The following PTPRT variants were observed in gnomAD, a reference collection of about 807,000 sequenced individuals.
The protein encoded by PTPRT is protein tyrosine phosphatase receptor type T, also known as receptor-type tyrosine-protein phosphatase T.
A neutral mutation model predicts 176.8 loss-of-function variants in PTPRT; 56 were observed. That is an observed-to-expected ratio of 0.32 (90% CI 0.26 to 0.40). The LOEUF (loss-of-function observed/expected upper bound fraction) is 0.40. Among genes scored for constraint, PTPRT ranks in the 10% least tolerant of loss-of-function variants. The pLI, the probability that PTPRT is intolerant of heterozygous loss-of-function variation, is 1.00. For missense variants in PTPRT, 1,540 were observed against 1,908.2 expected, an observed-to-expected ratio of 0.81 and a Z score of 3.60; for synonymous variants, 783 against 739.0, an observed-to-expected ratio of 1.06 and a Z score of -0.96.
intron 9 of PTPRT, among the ~76,000 whole-genome samples, chr20:42,413,166 TG>T (rs1377275211): frequency 6.6e-6 from 1 of 152,138 alleles, no homozygotes; most frequent in South Asian, 2.1e-4. Flanking sequence ...TTTGAAAACC[TG>T]GATGGATTTC....
intron 13 of PTPRT, among the ~76,000 whole-genome samples, chr20:42,253,287 G>A (rs750086174): frequency 5.9e-5 from 9 of 152,128 alleles, no homozygotes; most frequent in African/African-American, 1.4e-4. Flanking sequence ...AATGTGGTGC[G>A]CTTTCCACAG....
intron 2 of PTPRT, among the ~76,000 whole-genome samples, chr20:42,850,796 C>T (rs1044430172): frequency 6.6e-6 from 1 of 152,128 alleles, no homozygotes; most frequent in African/African-American, 2.4e-5. Context: ...TTGGAGCATC[C>T]CCTCCTGACC....
Position 42,440,481 on chromosome 20 carries a change from CT to C in PTPRT, c.1560+7738del, listed in dbSNP as rs759500806. 7.4e-3 allele frequency among the ~76,000 whole-genome samples: 1,024 copies of C among 138,330 alleles called. 1 individual carries two copies. Among genetic ancestry groups the C allele is most frequent in the African/African-American group, 0.014 (543 of 38,066 alleles). 90.7% of individuals were successfully genotyped at this position (138,330 alleles called of 152,430 possible). A position where few individuals can be genotyped will look rare whatever the true frequency, so the allele number is the denominator to read the frequency against. ...TATAGCATATATTAGTTGTTTCTTT[CT>C]TTTTTTTTTTTTTTAGACAGAGTCT... On this transcript the variant is annotated intron_variant, in intron 9 of 30. Coordinates refer to ENST00000373187, the MANE Select transcript of PTPRT (RefSeq NM_007050.6).
intron 1 of PTPRT, among the ~76,000 whole-genome samples, chr20:42,934,777 T>G (rs1014329654): frequency 2.0e-5 from 3 of 151,988 alleles, no homozygotes; most frequent in African/African-American, 7.3e-5. Context: ...GCTAGCAAGA[T>G]GAAAGCCATA....
At chr20:42,202,270 G>A (rs919821343) in intron 15 of PTPRT, among the ~76,000 whole-genome samples, 3 of 152,120 alleles carry the variant, frequency 2.0e-5, no homozygotes, top group African/African-American at 4.8e-5. Flanking sequence ...GTGCCCAGCC[G>A]AGAAAGTTTC....
chr20:43,186,467 C>G (rs985896125), intron 1 of PTPRT, among the ~76,000 whole-genome samples: 1 of 152,200 alleles, frequency 6.6e-6, no homozygotes, highest in Non-Finnish European at 1.5e-5. Context: ...CACACTGTCA[C>G]GGAGTCAGGG....
chr20:42,460,953 T>A (rs1284651599), intron 8 of PTPRT, among the ~76,000 whole-genome samples: 1 of 152,098 alleles, frequency 6.6e-6, no homozygotes, highest in Non-Finnish European at 1.5e-5. Flanking sequence ...GAGGCTGAGG[T>A]GGGAGGACGG....
chr20:42,128,213 C>T (rs1490007197), intron 19 of PTPRT, among the ~76,000 whole-genome samples: 3 of 152,184 alleles, frequency 2.0e-5, no homozygotes, highest in Non-Finnish European at 4.4e-5. Flanking sequence ...CTTTGGTTCA[C>T]ATCATATTTT....
intron 1 of PTPRT, among the ~76,000 whole-genome samples, chr20:42,940,563 C>T (rs1031213644): frequency 2.0e-5 from 3 of 151,974 alleles, no homozygotes; most frequent in South Asian, 2.1e-4. Context: ...GGAGCATTGA[C>T]AGTGTGTTAG....
intron 1 of PTPRT, among the ~76,000 whole-genome samples, chr20:43,036,074 G>A (rs564813588): frequency 1.3e-5 from 2 of 152,318 alleles, no homozygotes; most frequent in Admixed American, 1.3e-4. Context: ...GGCAAATGCA[G>A]CTGGAGAAAA....
chr20:42,480,592 T>A (rs1051121069), intron 7 of PTPRT, among the ~76,000 whole-genome samples: 1 of 152,156 alleles, frequency 6.6e-6, no homozygotes, highest in Non-Finnish European at 1.5e-5. Context: ...TTTGTGAAAC[T>A]GATGCTAGGG....
intron 4 of PTPRT, among the ~76,000 whole-genome samples, chr20:42,774,207 C>T (rs1406811098): frequency 6.6e-6 from 1 of 152,152 alleles, no homozygotes; most frequent in African/African-American, 2.4e-5. Flanking sequence ...AACAAAAATA[C>T]CACCTCCTTG....
intron 2 of PTPRT, among the ~76,000 whole-genome samples, chr20:42,871,684 T>C (rs746375366): frequency 1.3e-5 from 2 of 152,232 alleles, no homozygotes; most frequent in Non-Finnish European, 2.9e-5. Flanking sequence ...ATCTGCTACA[T>C]GTGGATATTC....
chr20:43,039,717 T>G (rs1986528197), intron 1 of PTPRT, among the ~76,000 whole-genome samples: 1 of 152,088 alleles, frequency 6.6e-6, no homozygotes, highest in Admixed American at 6.6e-5. Flanking sequence ...CTAATAGTTC[T>G]GGTGTCCAAA....
chr20:42,827,806 C>T (rs1448595832), intron 2 of PTPRT, among the ~76,000 whole-genome samples: 4 of 152,096 alleles, frequency 2.6e-5, no homozygotes, highest in African/African-American at 9.7e-5. Context: ...CTTAATGTCA[C>T]CATTTGAAAA....
intron 5 of PTPRT, among the ~76,000 whole-genome samples, chr20:42,762,743 A>C (rs188909559): frequency 1.2e-4 from 18 of 152,354 alleles, no homozygotes; most frequent in Admixed American, 1.2e-3. Context: ...CTTCCAATTC[A>C]TCCGTACAGG....
intron 1 of PTPRT, among the ~76,000 whole-genome samples, chr20:42,988,045 C>T (rs938896575): frequency 9.9e-5 from 15 of 152,262 alleles, no homozygotes; most frequent in Non-Finnish European, 2.2e-4. Flanking sequence ...CAAATCAAAG[C>T]TTCTGCCAAA....
chr20:42,277,529 A>C (rs1199479875), intron 13 of PTPRT, among the ~76,000 whole-genome samples: 1 of 152,208 alleles, frequency 6.6e-6, no homozygotes, highest in Non-Finnish European at 1.5e-5. Flanking sequence ...AGCAGGTCAG[A>C]GGAAGCAAAT....
chr20:42,270,449 T>C (rs1483792605), intron 13 of PTPRT: 3 of 1,549,168 alleles, frequency 1.9e-6, no homozygotes, highest in East Asian at 2.5e-5. Context: ...CGCTGCCCAT[T>C]GGTGCTGACC....
Sources: gnomAD v4.1 joint callset for allele counts (sites outside exome capture counted in the v4.1 genomes callset) on GRCh38, gnomAD v4.1.1 for gene constraint, MANE v1.5 for transcripts, NCBI Gene and HGNC (gene_info 2026-07-23, HGNC 2026-07-21) for gene names.